The following HECW2 variants were observed in gnomAD, a reference collection of about 807,000 sequenced individuals.
The protein encoded by HECW2 is HECT, C2 and WW domain containing E3 ubiquitin protein ligase 2.
Under a neutral mutation model 175.2 loss-of-function variants are expected in HECW2, and 61 were observed. That is an observed-to-expected ratio of 0.35 (90% CI 0.28 to 0.43). The LOEUF (loss-of-function observed/expected upper bound fraction) is 0.43, where lower values mean the gene tolerates loss of function less well. Among genes scored for constraint, HECW2 ranks in the 20% least tolerant of loss-of-function variants. HECW2 has a pLI of 1.00. For synonymous variants in HECW2, 671 were observed against 731.0 expected (o/e 0.92, Z 1.32); for missense variants, 1,524 against 2,000.5 (o/e 0.76, Z 4.54).
chr2:196,304,736 C>T (rs1399352201), intron 13 of HECW2, among the ~76,000 whole-genome samples: 1 of 152,114 alleles, frequency 6.6e-6, no homozygotes, highest in East Asian at 1.9e-4. Context: ...CTGTCACCTC[C>T]TAGAATTGTC....
chr2:196,534,168 C>G (rs1688938994), intron 1 of HECW2, among the ~76,000 whole-genome samples: 2 of 152,054 alleles, frequency 1.3e-5, no homozygotes, highest in Admixed American at 6.5e-5. Flanking sequence ...GCATCCTTTA[C>G]AAGATCAGGT....
chr2:196,515,597 G>T (rs1380405797), intron 1 of HECW2, among the ~76,000 whole-genome samples: 2 of 152,112 alleles, frequency 1.3e-5, no homozygotes, highest in Non-Finnish European at 2.9e-5. Context: ...ACCCAAAAGG[G>T]TATCAAACCC....
Position 196,394,389 on chromosome 2 carries a change from T to TTAACCTATTTTCTATTTTC in HECW2, c.292+38742_292+38743insGAAAATAGAAAATAGGTTA, listed in dbSNP as rs1263531248. Among the ~76,000 whole-genome samples, 7 of 152,362 alleles carry TTAACCTATTTTCTATTTTC rather than the reference T, an allele frequency of 4.6e-5. No homozygotes were observed. The East Asian group carries it at 1.3e-3, about 29-fold the overall frequency. On this transcript the variant is annotated intron_variant, in intron 2 of 28. Transcript: ENST00000644978. ...GACCAGAATTTATTTTCTATTTTTC[T>TTAACCTATTTTCTATTTTC]TATAACCTAAGGTATAAGATAGACC...
At chr2:196,230,570 C>A (rs1174550511) in intron 21 of HECW2, among the ~76,000 whole-genome samples, 1 of 152,102 alleles carries the variant, frequency 6.6e-6, no homozygotes, top group East Asian at 1.9e-4. Context: ...CCTTCTCTAC[C>A]CTGGTGGCAT....
At chr2:196,329,469 C>A in intron 5 of HECW2, 106 bp downstream of exon 5, 1 of 814,904 alleles carries the variant, frequency 1.2e-6, no homozygotes, top group Admixed American at 1.9e-5. Context: ...AAAACTAGTT[C>A]ACATATCATC....
intron 10 of HECW2, among the ~76,000 whole-genome samples, chr2:196,309,085 G>A (rs1409003975): frequency 1.3e-5 from 2 of 152,056 alleles, no homozygotes; most frequent in Non-Finnish European, 2.9e-5. Flanking sequence ...GACACAGTGG[G>A]GCTAATCCTG....
chr2:196,358,720 T>G (rs1693477327), intron 2 of HECW2, among the ~76,000 whole-genome samples: 1 of 152,144 alleles, frequency 6.6e-6, no homozygotes, highest in South Asian at 2.1e-4. Context: ...CTTTTAAAAT[T>G]TATTTTATTC....
intron 7 of HECW2, among the ~76,000 whole-genome samples, chr2:196,321,789 C>G (rs1245505747): frequency 6.6e-6 from 1 of 152,164 alleles, no homozygotes; most frequent in Non-Finnish European, 1.5e-5. Context: ...AAGGAAGATA[C>G]AATGTTTCTT....
chr2:196,352,939 G>A (rs764373201), intron 2 of HECW2, among the ~76,000 whole-genome samples: 2 of 152,260 alleles, frequency 1.3e-5, no homozygotes, highest in African/African-American at 4.8e-5. Flanking sequence ...TCAAACACAC[G>A]TCACACTGGC....
chr2:196,235,146 G>GGAGTGCAGTGGTGTGAT (rs1421085747), intron 21 of HECW2, among the ~76,000 whole-genome samples: 1 of 146,400 alleles, frequency 6.8e-6, no homozygotes, highest in Non-Finnish European at 1.5e-5. Flanking sequence ...CGCCCAGGCT[G>GGAGTGCAGTGGTGTGAT]GAGTGCAGTG....
At chr2:196,240,896 T>C (rs927265201) in intron 20 of HECW2, among the ~76,000 whole-genome samples, 2 of 152,016 alleles carry the variant, frequency 1.3e-5, no homozygotes, top group Non-Finnish European at 2.9e-5. Context: ...CCCCCGCCCA[T>C]ACATTTTGTT....
At chr2:196,430,405 A>G (rs768555599) in intron 2 of HECW2, among the ~76,000 whole-genome samples, 9 of 150,208 alleles carry the variant, frequency 6.0e-5, no homozygotes, top group Non-Finnish European at 1.2e-4. Context: ...CAAAGAAACC[A>G]AAAAATAAGA....
chr2:196,378,449 T>A (rs1300961289), intron 2 of HECW2, among the ~76,000 whole-genome samples: 1 of 152,172 alleles, frequency 6.6e-6, no homozygotes, highest in Non-Finnish European at 1.5e-5. Flanking sequence ...TTGGCCCAAT[T>A]AGAATATTTT....
At position 196,198,273 on chromosome 2, in the gene HECW2, T is replaced by G. The variant is rs751011762; in HGVS notation, c.*3004A>C. On this transcript the variant is annotated 3_prime_UTR_variant, in exon 29 of 29. Coordinates refer to ENST00000644978, the MANE Select transcript of HECW2 (RefSeq NM_001348768.2). The stretch of plus-strand genomic sequence containing the variant: ...GTAAGTGCATCCTGGCTTCAACACT[T>G]GACCAGTATTGACATACTATTACTT... 1 of 152,182 alleles carries G rather than the reference T, an allele frequency of 6.6e-6. No individual in the cohort carries two copies. Among genetic ancestry groups the G allele is most frequent in the Non-Finnish European group, 1.5e-5 (1 of 68,030 alleles). The allele number at this position is 152,182 out of a possible 1,614,324, so 9.4% of individuals were successfully genotyped here.
rs185816450 is a variant in HECW2, at chr2:196,510,992, G to T, written c.-35-77534C>A. 1.1e-3 allele frequency among the ~76,000 whole-genome samples: 169 copies of T among 152,168 alleles called. 2 individuals carry two copies. The highest frequency in any genetic ancestry group is 3.4e-3 in the Middle Eastern group (1 of 294). ...GTTTGTTTGTTTGTTTTGAGACAGG[G>T]TCTCACTCTGTCGCCCAGGCTGGAG... On this transcript the variant is annotated intron_variant, in intron 1 of 28. Transcript: ENST00000644978.
At chr2:196,555,707 T>C (rs1432780668) in intron 1 of HECW2, among the ~76,000 whole-genome samples, 1 of 152,210 alleles carries the variant, frequency 6.6e-6, no homozygotes, top group African/African-American at 2.4e-5. Context: ...AAGAGTTAAG[T>C]ATTTTTTAAA....
At chr2:196,388,864 GT>G (rs1175342143) in intron 2 of HECW2, among the ~76,000 whole-genome samples, 5 of 152,152 alleles carry the variant, frequency 3.3e-5, no homozygotes, top group African/African-American at 1.2e-4. Flanking sequence ...AGAGTCACTG[GT>G]CCACAAAGCT....
intron 17 of HECW2, among the ~76,000 whole-genome samples, chr2:196,265,936 C>G (rs1689496713): frequency 6.6e-6 from 1 of 152,088 alleles, no homozygotes; most frequent in African/African-American, 2.4e-5. Flanking sequence ...AAGAGCTATA[C>G]TCAACTACCT....
chr2:196,353,934 A>G (rs1247335442), intron 2 of HECW2, among the ~76,000 whole-genome samples: 2 of 152,076 alleles, frequency 1.3e-5, no homozygotes, highest in East Asian at 3.9e-4. Flanking sequence ...GAGCTGTTTC[A>G]CTGCTCAGTA....
Sources: gnomAD v4.1 joint callset for allele counts (sites outside exome capture counted in the v4.1 genomes callset) on GRCh38, gnomAD v4.1.1 for gene constraint, MANE v1.5 for transcripts, NCBI Gene and HGNC (gene_info 2026-07-23, HGNC 2026-07-21) for gene names.